PRR5: variants seen among roughly 807,000 people sequenced by gnomAD.
PRR5 encodes proline rich 5.
PRR5 carries 25 observed loss-of-function variants against 30.6 expected under a neutral mutation model. The ratio of observed to expected loss-of-function variants is 0.82; its 90% CI spans 0.60 to 1.14. PRR5 has a LOEUF of 1.14. PRR5 is among the 50% of genes most tolerant of loss of function. The probability of loss-of-function intolerance (pLI) is 0.00; values close to 1 mark genes in which losing one functional copy is unlikely to be tolerated. For missense variants in PRR5, 600 were observed against 547.1 expected (o/e 1.10, Z -0.96); for synonymous variants, 286 against 247.1 (o/e 1.16, Z -1.48).
chr22:44,702,525 C>T lies in PRR5; in HGVS notation c.51C>T (p.Asp17=). 2.7e-6 allele frequency: 4 copies of T among 1,472,640 alleles called. No individual in the cohort carries two copies. The highest frequency in any genetic ancestry group is 3.6e-6 in the Non-Finnish European group (4 of 1,110,720). 91.2% of individuals were successfully genotyped at this position (1,472,640 alleles called of 1,614,324 possible). ...LKFMSSPSLS[D]LGKREPAAAA... The stretch of plus-strand genomic sequence containing the variant: ...TCATGAGTTCGCCCAGCCTCAGTGA[C>T]CTGGGCAAGAGAGAGCCGGCCGCCG... Residue 17 remains aspartate (D), a synonymous_variant, in exon 1 of 8, where the codon GAC becomes GAT. Coordinates refer to ENST00000336985, the MANE Select transcript of PRR5 (RefSeq NM_181333.4).
upstream of PRR5, among the ~76,000 whole-genome samples, chr22:44,701,391 C>T (rs1246726942): frequency 6.6e-6 from 1 of 152,254 alleles, no homozygotes; most frequent in Non-Finnish European, 1.5e-5. Flanking sequence ...TTATTTCACT[C>T]TGTGAGCCTC....
At chr22:44,695,106 G>A (rs1291554924) in intron 1 of PRR5, among the ~76,000 whole-genome samples, 1 of 152,186 alleles carries the variant, frequency 6.6e-6, no homozygotes, top group East Asian at 1.9e-4. Context: ...AGGAGGCAGA[G>A]GTTGCAGTGA....
intron 4 of PRR5, among the ~76,000 whole-genome samples, chr22:44,728,672 G>A (rs1301440978): frequency 6.6e-6 from 1 of 152,198 alleles, no homozygotes; most frequent in Non-Finnish European, 1.5e-5. Flanking sequence ...ACATCCTGAT[G>A]GGCGGCCTCA....
upstream of PRR5, among the ~76,000 whole-genome samples, chr22:44,701,102 G>C (rs1184832171): frequency 6.6e-6 from 1 of 152,138 alleles, no homozygotes; most frequent in African/African-American, 2.4e-5. Context: ...GGCTGGTCTT[G>C]AACTCCTGAC....
At chr22:44,723,217 C>G (rs1027195602) in intron 2 of PRR5, among the ~76,000 whole-genome samples, 3 of 151,974 alleles carry the variant, frequency 2.0e-5, no homozygotes, top group African/African-American at 7.2e-5. Context: ...CTTTGGACCT[C>G]AGGTGATCTG....
At chr22:44,692,293 G>T (rs1331759999) in intron 1 of PRR5, among the ~76,000 whole-genome samples, 4 of 126,788 alleles carry the variant, frequency 3.2e-5, no homozygotes, top group African/African-American at 1.2e-4. Context: ...CTCCACCAGG[G>T]GCTCCCCCTC....
At position 44,732,309 on chromosome 22, in the gene PRR5, TCA is replaced by T. The variant is rs1305512234; in HGVS notation, c.474_475del (p.Ser159CysfsTer30). 1 of 1,612,298 alleles carries T rather than the reference TCA, an allele frequency of 6.2e-7. No homozygotes were observed. The highest frequency in any genetic ancestry group is 8.5e-7 in the Non-Finnish European group (1 of 1,179,978). The stretch of plus-strand genomic sequence containing the variant: ...CTGCACTTCCGGAATGCCATCACCC[TCA>T]GTGTGAAGCTAGAGGATGCGCTGGC... On this transcript the variant is annotated frameshift_variant, in exon 6 of 8. Transcript: ENST00000336985. LOFTEE classifies it high-confidence loss of function.
rs938382167 is a variant in PRR5, at chr22:44,734,921, G to A, written c.556-106G>A. ...AGAGAGCCTGTGGGAATGGGGAGGC[G>A]GGAGGCAGAGGACAGGCTGTCTGGT... On this transcript the variant is annotated intron_variant, in intron 6 of 7. Transcript: ENST00000336985. 2.0e-5 allele frequency: 28 copies of A among 1,411,606 alleles called. No homozygotes were observed. In the African/African-American group the frequency reaches 2.3e-4, roughly 11 times the overall value. 87.4% of individuals were successfully genotyped at this position (1,411,606 alleles called of 1,614,324 possible). A position where few individuals can be genotyped will look rare whatever the true frequency, so the allele number is the denominator to read the frequency against.
Position 44,728,707 on chromosome 22 carries a change from A to G in PRR5, c.322+2073A>G, listed in dbSNP as rs3761478. On this transcript the variant is annotated intron_variant, in intron 4 of 7. Coordinates refer to ENST00000336985, the MANE Select transcript of PRR5 (RefSeq NM_181333.4). ...AGGGGCCTCCCCCTTCCTGCTCCCT[A>G]CCCCTGCTTGGGTTCCACTGGGAGC... Among the ~76,000 whole-genome samples the G allele has an allele frequency of 7.2e-5, 11 of 152,088 alleles. No individual in the cohort carries two copies. In the East Asian group the frequency reaches 2.1e-3, roughly 30 times the overall value.
upstream of PRR5, among the ~76,000 whole-genome samples, chr22:44,675,790 T>A (rs924975260): frequency 8.3e-5 from 12 of 145,324 alleles, no homozygotes; most frequent in African/African-American, 3.2e-4. Context: ...ATTATTATTA[T>A]TATTATTACT....
At chr22:44,669,220 C>T (rs1161678011) in intron 1 of PRR5, among the ~76,000 whole-genome samples, 1 of 152,028 alleles carries the variant, frequency 6.6e-6, no homozygotes, top group Non-Finnish European at 1.5e-5. Context: ...CCGCTCTCTC[C>T]CCATGGCAGC....
At chr22:44,725,741 T>G (rs552668602) in intron 3 of PRR5, among the ~76,000 whole-genome samples, 1 of 152,258 alleles carries the variant, frequency 6.6e-6, no homozygotes, top group South Asian at 2.1e-4. Context: ...CTCAGCTCAC[T>G]GCAACCTCTG....
At chr22:44,720,333 T>G (rs1295137702) in intron 2 of PRR5, among the ~76,000 whole-genome samples, 1 of 152,236 alleles carries the variant, frequency 6.6e-6, no homozygotes, top group Non-Finnish European at 1.5e-5. Context: ...AAAGGATGTC[T>G]GTTTTTCATC....
chr22:44,688,433 C>T (rs1321891887), intron 1 of PRR5, among the ~76,000 whole-genome samples: 1 of 152,166 alleles, frequency 6.6e-6, no homozygotes, highest in Non-Finnish European at 1.5e-5. Flanking sequence ...AGTTAGAGTG[C>T]AACTAGTAGA....
In PRR5 at chr22:44,732,249, A is replaced by G; in HGVS notation, c.415-2A>G. ...GTGGGGTGGGGTGCCTTCCGTCCACAGGGCAAGGAGCCATCGGTGCGCCAG... is the reference window on the plus strand; with the variant it reads ...GTGGGGTGGGGTGCCTTCCGTCCACGGGGCAAGGAGCCATCGGTGCGCCAG... On this transcript the variant is annotated splice_acceptor_variant, in intron 5 of 7. Transcript: ENST00000336985. LOFTEE classifies it high-confidence loss of function. The G allele has an allele frequency of 1.2e-6, 2 of 1,610,992 alleles. No homozygotes were observed. The highest frequency in any genetic ancestry group is 8.5e-7 in the Non-Finnish European group (1 of 1,179,552).
intron 1 of PRR5, among the ~76,000 whole-genome samples, chr22:44,703,085 C>A (rs1393750335): frequency 6.6e-6 from 1 of 152,190 alleles, no homozygotes; most frequent in Non-Finnish European, 1.5e-5. Context: ...GGCCCCCTGT[C>A]CTCCAGCTGT....
At chr22:44,724,775 C>T (rs980896153) in intron 2 of PRR5, among the ~76,000 whole-genome samples, 7 of 152,170 alleles carry the variant, frequency 4.6e-5, no homozygotes, top group African/African-American at 1.2e-4. Flanking sequence ...TGAATGCCTG[C>T]GGCTGGGTTG....
At chr22:44,697,650 AC>A (rs1925879049), upstream of PRR5, among the ~76,000 whole-genome samples, 1 of 152,192 alleles carries the variant, frequency 6.6e-6, no homozygotes, top group African/African-American at 2.4e-5. Flanking sequence ...GGCGTGGGCA[AC>A]TGAGGTCACC....
At chr22:44,731,063 G>T in intron 4 of PRR5, 1 of 298,698 alleles carries the variant, frequency 3.3e-6, no homozygotes. Flanking sequence ...GGAGGAGGTC[G>T]GTGGGTAGAA....
Sources: gnomAD v4.1 joint callset for allele counts (sites outside exome capture counted in the v4.1 genomes callset) on GRCh38, gnomAD v4.1.1 for gene constraint, MANE v1.5 for transcripts, NCBI Gene and HGNC (gene_info 2026-07-23, HGNC 2026-07-21) for gene names.